DOCK9: variants seen among roughly 807,000 people sequenced by gnomAD.
DOCK9 encodes the protein dedicator of cytokinesis protein 9.
DOCK9 carries 89 observed loss-of-function variants against 263.3 expected under a neutral mutation model. The ratio of observed to expected loss-of-function variants is 0.34; its 90% CI spans 0.28 to 0.40. The LOEUF (loss-of-function observed/expected upper bound fraction) is 0.40, where lower values mean the gene tolerates loss of function less well. DOCK9 is among the 10% of genes least tolerant of loss of function. The pLI, the probability that DOCK9 is intolerant of heterozygous loss-of-function variation, is 1.00. For missense variants in DOCK9, 2,140 were observed against 2,603.4 expected, an observed-to-expected ratio of 0.82 and a Z score of 3.87; for synonymous variants, 976 against 973.1, an observed-to-expected ratio of 1.00 and a Z score of -0.06.
intron 45 of DOCK9, among the ~76,000 whole-genome samples, chr13:98,816,979 AATTTT>A (rs769888670): frequency 2.6e-5 from 4 of 152,174 alleles, no homozygotes; most frequent in Non-Finnish European, 5.9e-5. Context: ...AACTGTAGAT[AATTTT>A]ATGAGACATA....
chr13:98,992,650 G>A (rs1166254632), intron 1 of DOCK9, among the ~76,000 whole-genome samples: 1 of 152,170 alleles, frequency 6.6e-6, no homozygotes, highest in African/African-American at 2.4e-5. Flanking sequence ...CCACTTGCCT[G>A]CCGCCACATA....
chr13:99,004,531 C>A, intron 1 of DOCK9, among the ~76,000 whole-genome samples: 1 of 152,190 alleles, frequency 6.6e-6, no homozygotes, highest in South Asian at 2.1e-4. Flanking sequence ...ACAGACTCTG[C>A]AAAGGCAGAA....
intron 1 of DOCK9, among the ~76,000 whole-genome samples, chr13:99,021,587 C>T (rs1295023725): frequency 2.1e-5 from 3 of 144,652 alleles, no homozygotes; most frequent in African/African-American, 5.2e-5. Context: ...TGCAGTGAGC[C>T]GAGATCGCGC....
chr13:98,807,672 C>A lies in DOCK9; in HGVS notation c.5503G>T (p.Asp1835Tyr). 1 of 1,607,694 alleles carries A rather than the reference C, an allele frequency of 6.2e-7. No homozygotes were observed. The highest frequency in any genetic ancestry group is 8.5e-7 in the Non-Finnish European group (1 of 1,175,718). The change falls in exon 48 of 53, where the codon GAT becomes TAT. Residue 1835 changes from aspartate (D) to tyrosine (Y), a missense_variant. Coordinates refer to ENST00000682017, the MANE Select transcript of DOCK9 (RefSeq NM_001366683.2). ...FGSENVKMIQ[D>Y]SGKVNPKDLD... ...AAACATGGTCATACCTTGCCAGAATCCTGTATCATTTTGACATTTTCAGAA... is the reference window on the plus strand; with the variant it reads ...AAACATGGTCATACCTTGCCAGAATACTGTATCATTTTGACATTTTCAGAA...
chr13:98,995,640 C>G (rs1880854706), intron 1 of DOCK9, among the ~76,000 whole-genome samples: 1 of 151,938 alleles, frequency 6.6e-6, no homozygotes, highest in Non-Finnish European at 1.5e-5. Flanking sequence ...AGGCACCTGC[C>G]ACCACGCCCG....
At chr13:98,822,668 A>AAAAC (rs71114552) in intron 45 of DOCK9, among the ~76,000 whole-genome samples, 52,761 of 151,166 alleles carry the variant, frequency 0.35, 10,692 homozygotes, top group East Asian at 0.67. Flanking sequence ...AGTAAAAAGT[A>AAAAC]AAACAAACAA....
intron 40 of DOCK9, 33 bp from the exon 41 acceptor site, chr13:98,831,563 C>A: frequency 6.3e-7 from 1 of 1,588,568 alleles, no homozygotes; most frequent in Non-Finnish European, 8.6e-7. Flanking sequence ...GCAGATAAAC[C>A]ACAGACAGGT....
intron 1 of DOCK9, chr13:99,015,622 A>C (rs770067218): frequency 2.6e-5 from 41 of 1,580,272 alleles, no homozygotes; most frequent in Non-Finnish European, 3.5e-5. Flanking sequence ...CAAGGTGTGG[A>C]TGTTCAGTTT....
rs184946090 is a variant in DOCK9 at position 98,800,323 on chromosome 13, G to A, written c.5881C>T (p.Leu1961=). The change falls in exon 50 of 53, where the codon CTG becomes TTG. Residue 1961 remains leucine (L), a synonymous_variant. Transcript: ENST00000682017. ...CSSAEVDMIK[L]QLKLQGSVSV... ...ACGCTGCCCTGGAGTTTGAGCTGCA[G>A]TTTGATCATGTCCACCTCGGCCGAG... 36 of 1,610,312 alleles carry A rather than the reference G, an allele frequency of 2.2e-5. No individual in the cohort carries two copies. In the African/African-American group the frequency reaches 2.8e-4, roughly 13 times the overall value.
At chr13:99,042,553 G>A (rs982829419) in intron 1 of DOCK9, among the ~76,000 whole-genome samples, 2 of 152,210 alleles carry the variant, frequency 1.3e-5, no homozygotes, top group Non-Finnish European at 2.9e-5. Context: ...TTTAGTTTAG[G>A]ACATGGATTG....
At chr13:98,807,617 C>G (rs1566543412) in intron 48 of DOCK9, 44 bp downstream of exon 48, 2 of 1,467,318 alleles carry the variant, frequency 1.4e-6, no homozygotes, top group East Asian at 4.7e-5. Context: ...TGTAATCAAT[C>G]ACAACATTAC....
At chr13:98,895,789 A>G (rs2047342587) in intron 15 of DOCK9, among the ~76,000 whole-genome samples, 1 of 152,162 alleles carries the variant, frequency 6.6e-6, no homozygotes, top group African/African-American at 2.4e-5. Flanking sequence ...TTATGTTTGT[A>G]AACTAAAGAA....
At chr13:99,015,124 T>C (rs1885187043) in intron 1 of DOCK9, among the ~76,000 whole-genome samples, 1 of 152,212 alleles carries the variant, frequency 6.6e-6, no homozygotes, top group Non-Finnish European at 1.5e-5. Context: ...ACATATATAA[T>C]ACCCTAAATA....
chr13:99,067,454 G>C (rs1566381233), intron 1 of DOCK9, among the ~76,000 whole-genome samples: 1 of 152,146 alleles, frequency 6.6e-6, no homozygotes, highest in Non-Finnish European at 1.5e-5. Context: ...TGAGAATGTG[G>C]AAAAAGATCA....
intron 1 of DOCK9, among the ~76,000 whole-genome samples, chr13:99,079,900 T>G: frequency 6.6e-6 from 1 of 151,962 alleles, no homozygotes. Flanking sequence ...ATTAGCCGGG[T>G]GTGGTGGCAC....
At chr13:98,801,664 T>C (rs1171568366) in intron 49 of DOCK9, among the ~76,000 whole-genome samples, 4 of 152,238 alleles carry the variant, frequency 2.6e-5, no homozygotes, top group African/African-American at 9.6e-5. Flanking sequence ...TATTTACTAA[T>C]AGGCAGGTAG....
chr13:98,854,191 G>A (rs1276332798), intron 34 of DOCK9, among the ~76,000 whole-genome samples: 3 of 149,558 alleles, frequency 2.0e-5, no homozygotes, highest in African/African-American at 7.4e-5. Flanking sequence ...CAAACAAGAG[G>A]GCAATTTTGC....
In DOCK9 at chr13:98,888,656, C is replaced by T; in HGVS notation, c.1765G>A (p.Asp589Asn). 6.2e-7 allele frequency: 1 copy of T among 1,613,770 alleles called. No homozygotes were observed. Among genetic ancestry groups the T allele is most frequent in the Non-Finnish European group, 8.5e-7 (1 of 1,179,716 alleles). ...VILGNLDITI[D>N]NVSSDFPNYV... ...CTAGGGAAGTCTGAGGAAACATTAT[C>T]AATTGTAATGTCTAGATTGCCTAAA... is the stretch of plus-strand genomic sequence containing the variant. The change falls in exon 16 of 53, where the codon GAT becomes AAT. Residue 589 changes from aspartate to asparagine, a missense_variant. Around this residue, in one of 2 missense-constraint regions of DOCK9, gnomAD observed 1,521 missense variants for 1,741.7 expected, o/e 0.87. Coordinates refer to ENST00000682017, the MANE Select transcript of DOCK9 (RefSeq NM_001366683.2).
chr13:98,959,628 A>C (rs1339977375), intron 1 of DOCK9: 1 of 152,324 alleles, frequency 6.6e-6, no homozygotes, highest in Non-Finnish European at 1.5e-5. Flanking sequence ...GGGGGAAAGA[A>C]AGAAACAATC....
Sources: allele counts gnomAD v4.1 joint callset (sites outside exome capture counted in the v4.1 genomes callset), GRCh38; gene constraint gnomAD v4.1.1; regional missense constraint gnomAD v4.1.1; transcripts MANE v1.5; gene names NCBI Gene and HGNC (gene_info 2026-07-23, HGNC 2026-07-21).